The following MYO3A variants were observed in gnomAD, a reference collection of about 807,000 sequenced individuals.
The protein encoded by MYO3A is myosin-IIIa.
A neutral mutation model predicts 192.7 loss-of-function variants in MYO3A; 180 were observed. That is an observed-to-expected ratio of 0.93 (90% CI 0.83 to 1.06). The LOEUF (loss-of-function observed/expected upper bound fraction) is 1.06, where lower values mean the gene tolerates loss of function less well. Ranked by LOEUF, MYO3A falls within the 50% of genes least tolerant of loss-of-function variation. MYO3A has a pLI of 0.00. For synonymous variants in MYO3A, 628 were observed against 645.3 expected, an observed-to-expected ratio of 0.97 and a Z score of 0.41; for missense variants, 1,896 against 1,905.0, an observed-to-expected ratio of 1.00 and a Z score of 0.09.
intron 6 of MYO3A, among the ~76,000 whole-genome samples, chr10:26,014,138 T>C (rs1250560830): frequency 1.3e-5 from 2 of 151,484 alleles, no homozygotes; most frequent in Non-Finnish European, 2.9e-5. Context: ...TGAGCGGGAG[T>C]GGGGCTAGGG....
chr10:26,032,928 A>G (rs1242208039), intron 10 of MYO3A, among the ~76,000 whole-genome samples: 2 of 152,152 alleles, frequency 1.3e-5, no homozygotes, highest in African/African-American at 4.8e-5. Context: ...GACACATGAG[A>G]CTTTAAAAAT....
chr10:26,103,437 T>C (rs1837601202), intron 17 of MYO3A, among the ~76,000 whole-genome samples: 1 of 152,194 alleles, frequency 6.6e-6, no homozygotes, highest in Non-Finnish European at 1.5e-5. Flanking sequence ...CAGTTGGAAA[T>C]GCAGAAATCA....
intron 14 of MYO3A, among the ~76,000 whole-genome samples, chr10:26,082,044 G>A (rs1198064008): frequency 6.6e-6 from 1 of 152,184 alleles, no homozygotes; most frequent in Non-Finnish European, 1.5e-5. Flanking sequence ...TCTGCACGCT[G>A]CTCTTTCTGG....
intron 3 of MYO3A, among the ~76,000 whole-genome samples, chr10:25,953,609 C>G (rs1837352680): frequency 6.6e-6 from 1 of 152,060 alleles, no homozygotes; most frequent in African/African-American, 2.4e-5. Flanking sequence ...TCAGCCCAAT[C>G]CCATTGTCTG....
At position 26,176,736 on chromosome 10, in the gene MYO3A, G is replaced by GA. The variant is rs772558362; in HGVS notation, c.4335dup (p.Leu1446IlefsTer3). On this transcript the variant is annotated frameshift_variant, in exon 31 of 35. Coordinates refer to ENST00000642920, the MANE Select transcript of MYO3A (RefSeq NM_017433.5). LOFTEE classifies it high-confidence loss of function. ...TATCTGAAGAATATTTCATTCTGCAGAAAAAATTGAATGAAATGATTTTGT... is the reference window on the plus strand; with the variant it reads ...TATCTGAAGAATATTTCATTCTGCAGAAAAAAATTGAATGAAATGATTTTGT... 4.3e-6 allele frequency: 7 copies of GA among 1,611,062 alleles called. No homozygotes were observed. The highest frequency in any genetic ancestry group is 2.7e-5 in the African/African-American group (2 of 74,844).
chr10:26,062,205 A>G (rs1834526658), intron 10 of MYO3A, among the ~76,000 whole-genome samples: 1 of 146,286 alleles, frequency 6.8e-6, no homozygotes, highest in Non-Finnish European at 1.5e-5. Context: ...TATTAACTAA[A>G]TTATCTACAC....
intron 14 of MYO3A, among the ~76,000 whole-genome samples, chr10:26,082,025 A>G (rs1386182379): frequency 1.7e-4 from 26 of 152,132 alleles, no homozygotes; most frequent in Admixed American, 1.6e-3. Flanking sequence ...AAAATTCACA[A>G]TGCAAGCCTC....
intron 22 of MYO3A, among the ~76,000 whole-genome samples, chr10:26,145,873 A>G (rs1265031593): frequency 6.6e-6 from 1 of 152,276 alleles, no homozygotes; most frequent in East Asian, 1.9e-4. Flanking sequence ...AAACAAAAAG[A>G]AAAGACACAA....
At chr10:26,153,067 T>C (rs1840894894) in intron 23 of MYO3A, among the ~76,000 whole-genome samples, 1 of 152,218 alleles carries the variant, frequency 6.6e-6, no homozygotes, top group Non-Finnish European at 1.5e-5. Flanking sequence ...ACATTACTAT[T>C]AGGATAATAA....
intron 20 of MYO3A, among the ~76,000 whole-genome samples, chr10:26,138,309 C>T (rs139422923): frequency 0.011 from 1,651 of 152,304 alleles, 20 homozygotes; most frequent in Non-Finnish European, 0.018. Flanking sequence ...AAAGAACCTA[C>T]GTTGAAATAT....
At chr10:26,081,815 CA>C (rs1835976179) in intron 14 of MYO3A, among the ~76,000 whole-genome samples, 1 of 152,208 alleles carries the variant, frequency 6.6e-6, no homozygotes, top group East Asian at 1.9e-4. Context: ...ACTTCTCCCA[CA>C]AACAGACCTT....
chr10:26,151,372 AT>A (rs1279127316), intron 23 of MYO3A, among the ~76,000 whole-genome samples: 1 of 152,068 alleles, frequency 6.6e-6, no homozygotes, highest in Non-Finnish European at 1.5e-5. Context: ...AACATTTAAA[AT>A]TGTTATGTCT....
intron 20 of MYO3A, among the ~76,000 whole-genome samples, chr10:26,143,223 C>T (rs569509569): frequency 9.5e-4 from 145 of 152,054 alleles, no homozygotes; most frequent in African/African-American, 2.9e-3. Flanking sequence ...CCCAGCTACT[C>T]GGGAAGCTGA....
At chr10:26,113,302 T>C (rs1313247750) in intron 17 of MYO3A, among the ~76,000 whole-genome samples, 1 of 151,992 alleles carries the variant, frequency 6.6e-6, no homozygotes, top group East Asian at 1.9e-4. Context: ...AAACCCCGTC[T>C]CTTTTAAAAT....
chr10:25,950,055 A>G (rs995111599), intron 2 of MYO3A, among the ~76,000 whole-genome samples: 1 of 152,162 alleles, frequency 6.6e-6, no homozygotes, highest in Non-Finnish European at 1.5e-5. Flanking sequence ...ACCCTCATGT[A>G]GCTTACATTC....
chr10:25,974,475 G>A (rs1038343100), intron 4 of MYO3A, among the ~76,000 whole-genome samples: 4 of 152,196 alleles, frequency 2.6e-5, no homozygotes, highest in African/African-American at 7.2e-5. Context: ...GAACCACTGC[G>A]GAGAGCTTTG....
chr10:25,998,787 T>C (rs914084626), intron 6 of MYO3A, among the ~76,000 whole-genome samples: 2 of 152,198 alleles, frequency 1.3e-5, no homozygotes, highest in Non-Finnish European at 2.9e-5. Flanking sequence ...AAAAATTTGG[T>C]AAACCAGAAG....
chr10:25,969,756 C>A (rs879395741), intron 4 of MYO3A, among the ~76,000 whole-genome samples: 3 of 152,058 alleles, frequency 2.0e-5, no homozygotes, highest in Non-Finnish European at 4.4e-5. Flanking sequence ...TTAGACTATA[C>A]AATTTAAAGG....
intron 8 of MYO3A, among the ~76,000 whole-genome samples, 179 bp from the exon 9 acceptor site, chr10:26,023,843 C>T (rs180832665): frequency 4.3e-4 from 65 of 152,098 alleles, no homozygotes; most frequent in African/African-American, 1.3e-3. Flanking sequence ...AAACAAAGAC[C>T]GTGTCATTTT....
Sources: allele counts gnomAD v4.1 joint callset (sites outside exome capture counted in the v4.1 genomes callset), GRCh38; gene constraint gnomAD v4.1.1; transcripts MANE v1.5; gene names NCBI Gene and HGNC (gene_info 2026-07-23, HGNC 2026-07-21).